CACNA1C: variants seen among roughly 807,000 people sequenced by gnomAD.
The protein encoded by CACNA1C is voltage-dependent L-type calcium channel subunit alpha-1C.
A neutral mutation model predicts 229.0 loss-of-function variants in CACNA1C; 30 were observed. The observed-to-expected ratio is 0.13, with a 90% confidence interval of 0.10 to 0.18. The LOEUF (loss-of-function observed/expected upper bound fraction) is 0.18, where lower values mean the gene tolerates loss of function less well. Among genes scored for constraint, CACNA1C ranks in the 10% least tolerant of loss-of-function variants. The pLI is 1.00. For synonymous variants in CACNA1C, 1,114 were observed against 1,132.5 expected (o/e 0.98, Z 0.33); for missense variants, 1,658 against 2,845.0 (o/e 0.58, Z 9.49).
chr12:2,650,764 A>T (rs1203394066), intron 31 of CACNA1C, among the ~76,000 whole-genome samples: 1 of 151,398 alleles, frequency 6.6e-6, no homozygotes, highest in East Asian at 2.0e-4. Context: ...CTTGGCCTGC[A>T]CTCCACCCTT....
chr12:2,280,065 T>C (rs981226692), intron 3 of CACNA1C, among the ~76,000 whole-genome samples: 4 of 152,256 alleles, frequency 2.6e-5, no homozygotes, highest in African/African-American at 9.6e-5. Context: ...TGGGTCTTGC[T>C]CTTTTATTCA....
intron 3 of CACNA1C, among the ~76,000 whole-genome samples, chr12:2,334,082 T>A (rs2096625541): frequency 6.6e-6 from 1 of 152,174 alleles, no homozygotes; most frequent in Non-Finnish European, 1.5e-5. Flanking sequence ...TAATGCTGCT[T>A]CCTGCCTCAG....
At chr12:2,162,997 G>A (rs755875455) in intron 3 of CACNA1C, among the ~76,000 whole-genome samples, 44 of 152,066 alleles carry the variant, frequency 2.9e-4, no homozygotes, top group Non-Finnish European at 1.9e-4. Flanking sequence ...ACTGGAGTTC[G>A]AGACCAGCCT....
intron 3 of CACNA1C, among the ~76,000 whole-genome samples, chr12:2,243,992 A>C (rs1375791445): frequency 6.6e-6 from 1 of 152,212 alleles, no homozygotes; most frequent in African/African-American, 2.4e-5. Flanking sequence ...ACAACTATGG[A>C]TATAGAACTG....
rs1367916633 is a variant in CACNA1C at position 2,115,262 on chromosome 12, A to G, written c.88A>G (p.Met30Val). 3.1e-6 allele frequency: 5 copies of G among 1,591,784 alleles called. No individual in the cohort carries two copies. Among genetic ancestry groups the G allele is most frequent in the Non-Finnish European group, 4.3e-6 (5 of 1,168,110 alleles). Residue 30 changes from methionine (M) to valine (V), a missense_variant, in exon 2 of 47, where the codon ATG becomes GTG. Coordinates refer to ENST00000399655, the MANE Select transcript of CACNA1C (RefSeq NM_000719.7). ...GAGCCCACGCCCCGCCCATGCCAAC[A>G]TGAATGCCAATGCGGCAGCGGGGCT... ...YGSPRPAHAN[M>V]NANAAAGLAP...
chr12:2,521,918 ATC>A (rs1002441069), intron 9 of CACNA1C, among the ~76,000 whole-genome samples: 20 of 152,192 alleles, frequency 1.3e-4, no homozygotes, highest in African/African-American at 4.8e-4. Flanking sequence ...AAGCCTGAAC[ATC>A]TCTCAGTATT....
rs202208496 is a variant in CACNA1C, at chr12:2,007,168, CA to C, written c.139+35968del. Among the ~76,000 whole-genome samples the C allele has an allele frequency of 6.9e-3, 1,058 of 152,332 alleles. 9 individuals carry two copies. The highest frequency in any genetic ancestry group is 0.024 in the African/African-American group (999 of 41,576). ...ATTAGCTGTTCTAATTTTGATTTTT[CA>C]GCATGAACCCACAGATTCTACTTTG... On this transcript the variant is annotated intron_variant, in intron 1 of 46. Transcript: ENST00000682462.
chr12:2,336,763 T>C (rs1227391374), intron 3 of CACNA1C, among the ~76,000 whole-genome samples: 2 of 152,104 alleles, frequency 1.3e-5, no homozygotes, highest in Non-Finnish European at 2.9e-5. Flanking sequence ...CTCTAAGGCA[T>C]CTGGGCGGAG....
intron 7 of CACNA1C, among the ~76,000 whole-genome samples, chr12:2,495,857 A>C (rs1287564915): frequency 6.6e-6 from 1 of 152,142 alleles, no homozygotes; most frequent in Non-Finnish European, 1.5e-5. Flanking sequence ...CACACCTAAA[A>C]CTGAAACTTG....
intron 3 of CACNA1C, among the ~76,000 whole-genome samples, chr12:2,327,338 C>T (rs1489348528): frequency 2.0e-5 from 3 of 152,224 alleles, no homozygotes; most frequent in African/African-American, 7.2e-5. Flanking sequence ...ATGAAACACA[C>T]TGCCAGGCAT....
In CACNA1C at chr12:2,550,021, G is replaced by A. The variant is rs755960777; in HGVS notation, c.1469G>A (p.Gly490Glu). The A allele has an allele frequency of 2.5e-6, 4 of 1,604,400 alleles. No homozygotes were observed. The highest frequency in any genetic ancestry group is 3.4e-6 in the Non-Finnish European group (4 of 1,175,426). The stretch of plus-strand genomic sequence containing the variant: ...GGTGACATCGAGGGAGAAAACTGCG[G>A]GGCCAGGCTGGCGTGAGTAGGCACG... ...AGGDIEGENC[G>E]ARLAHRISKS... Residue 490 changes from glycine to glutamate, a missense_variant, in exon 10 of 47, where the codon GGG (glycine) becomes GAG (glutamate). This residue lies in a region of CACNA1C where 149 missense variants were observed against 194.2 expected (regional missense o/e 0.77). Transcript: ENST00000399655.
At chr12:2,572,911 T>A (rs2056833232) in intron 13 of CACNA1C, among the ~76,000 whole-genome samples, 1 of 120,934 alleles carries the variant, frequency 8.3e-6, no homozygotes, top group Non-Finnish European at 1.7e-5. Context: ...CTCCTTCTCC[T>A]CCTCCTCTTC....
At position 2,504,312 on chromosome 12, in the gene CACNA1C, G is replaced by A; in HGVS notation, c.1114-530G>A. 2 of 655,580 alleles carry A rather than the reference G, an allele frequency of 3.1e-6. No homozygotes were observed. The highest frequency in any genetic ancestry group is 5.6e-6 in the Non-Finnish European group (2 of 357,342). The allele number at this position is 655,580 out of a possible 1,614,324, so 40.6% of individuals were successfully genotyped here. ...CCCTGGGTAACACGGGTAACCTGGT[G>A]CACATGAACAAAGCCCACGTTCAGC... On this transcript the variant is annotated intron_variant, in intron 7 of 46. Transcript: ENST00000399655. The surrounding 1 kb of genome is among the most constrained non-coding windows in gnomAD (Gnocchi z 6.8).
At chr12:2,442,742 G>A (rs1389399457) in intron 3 of CACNA1C, among the ~76,000 whole-genome samples, 1 of 152,232 alleles carries the variant, frequency 6.6e-6, no homozygotes, top group Non-Finnish European at 1.5e-5. Flanking sequence ...TTCCAATCAT[G>A]GCAGAAGGCA....
chr12:2,129,608 C>G (rs1596623697), intron 3 of CACNA1C, among the ~76,000 whole-genome samples: 1 of 152,146 alleles, frequency 6.6e-6, no homozygotes, highest in African/African-American at 2.4e-5. Flanking sequence ...ATATAAAATA[C>G]AAATCCCTGG....
chr12:2,610,848 G>C, intron 28 of CACNA1C, 149 bp downstream of exon 28: 1 of 796,942 alleles, frequency 1.3e-6, no homozygotes, highest in Non-Finnish European at 2.0e-6. Flanking sequence ...TCTCTGTCAA[G>C]GATGTGCTCC....
At position 2,664,900 on chromosome 12, in the gene CACNA1C, G is replaced by A; in HGVS notation, c.4308G>A (p.Glu1436=). Residue 1436 remains glutamate, a synonymous_variant, in exon 35 of 47, where the codon GAG becomes GAA. Transcript: ENST00000399655. ...GCAAGAAGTGTGCCCCAGAGTCCGAGCCCAGCAACAGCACGGAGGGTGAAA... is the reference window on the plus strand; with the variant it reads ...GCAAGAAGTGTGCCCCAGAGTCCGAACCCAGCAACAGCACGGAGGGTGAAA... ...MPGKKCAPES[E]PSNSTEGETP... is the part of the protein sequence containing the mutation. The A allele has an allele frequency of 6.2e-7, 1 of 1,613,832 alleles. No individual in the cohort carries two copies. The highest frequency in any genetic ancestry group is 8.5e-7 in the Non-Finnish European group (1 of 1,179,810).
chr12:2,616,553 A>G (rs1425061580), intron 29 of CACNA1C, among the ~76,000 whole-genome samples: 1 of 152,202 alleles, frequency 6.6e-6, no homozygotes, highest in Non-Finnish European at 1.5e-5. Context: ...GCTGGCCCTA[A>G]GAAGGCAGCA....
chr12:2,202,954 C>T (rs962380687), intron 3 of CACNA1C, among the ~76,000 whole-genome samples: 1 of 152,152 alleles, frequency 6.6e-6, no homozygotes, highest in African/African-American at 2.4e-5. Context: ...TCTGGAAACC[C>T]AAGTACAATC....
Sources: gnomAD v4.1 joint callset for allele counts (sites outside exome capture counted in the v4.1 genomes callset) on GRCh38, gnomAD v4.1.1 for gene constraint, gnomAD v4.1.1 regional missense constraint, Gnocchi (gnomAD v3.1) non-coding constraint, MANE v1.5 for transcripts, NCBI Gene and HGNC (gene_info 2026-07-23, HGNC 2026-07-21) for gene names.